Variants in DOCK3 observed in about 807,000 individuals in gnomAD.
DOCK3 encodes dedicator of cytokinesis protein 3.
In DOCK3, 60 loss-of-function variants were observed where a neutral mutation model predicts 265.6. The ratio of observed to expected loss-of-function variants is 0.23; its 90% CI spans 0.18 to 0.28. The LOEUF is 0.28. Ranked by LOEUF, DOCK3 falls within the 10% of genes least tolerant of loss-of-function variation. The pLI is 1.00. For missense variants in DOCK3, 1,981 were observed against 2,594.3 expected (o/e 0.76, Z 5.14); for synonymous variants, 881 against 938.0 (o/e 0.94, Z 1.11).
At chr3:51,202,915 A>T (rs2088898605) in intron 12 of DOCK3, among the ~76,000 whole-genome samples, 1 of 152,198 alleles carries the variant, frequency 6.6e-6, no homozygotes, top group South Asian at 2.1e-4. Flanking sequence ...AAAGACAAAA[A>T]CCACATGATT....
In DOCK3 at chr3:51,214,248, G is replaced by C; in HGVS notation, c.1252+1G>C. 6.2e-7 allele frequency: 1 copy of C among 1,613,482 alleles called. No homozygotes were observed. ...GGATTTCCTGATGTCATTATGCCAG[G>C]TATGCAGAACTGCTTGGGGCTGGGA... On this transcript the variant is annotated splice_donor_variant, in intron 14 of 52. Coordinates refer to ENST00000266037, the MANE Select transcript of DOCK3 (RefSeq NM_004947.5). LOFTEE classifies it high-confidence loss of function.
intron 4 of DOCK3, among the ~76,000 whole-genome samples, chr3:50,922,003 A>G (rs995913010): frequency 1.3e-5 from 2 of 152,166 alleles, no homozygotes; most frequent in African/African-American, 4.8e-5. Flanking sequence ...CTCAGCGGTA[A>G]AGGACCCACT....
chr3:50,708,851 A>C (rs2036579928), intron 1 of DOCK3, among the ~76,000 whole-genome samples: 1 of 152,064 alleles, frequency 6.6e-6, no homozygotes, highest in Non-Finnish European at 1.5e-5. Flanking sequence ...TTCTGTGCTG[A>C]ATTTCAGTGT....
At chr3:51,250,479 C>T (rs2079155312) in intron 22 of DOCK3, among the ~76,000 whole-genome samples, 1 of 152,010 alleles carries the variant, frequency 6.6e-6, no homozygotes, top group Non-Finnish European at 1.5e-5. Context: ...ATTAACCGGG[C>T]ATGGTGGCAT....
intron 5 of DOCK3, among the ~76,000 whole-genome samples, chr3:50,969,322 A>G (rs1020879522): frequency 5.3e-5 from 8 of 152,020 alleles, no homozygotes; most frequent in Admixed American, 5.2e-4. Flanking sequence ...TTCTGTTGGC[A>G]TGGTATATCC....
chr3:50,898,495 C>T (rs553109554), intron 4 of DOCK3: 30 of 152,184 alleles, frequency 2.0e-4, no homozygotes, highest in African/African-American at 5.8e-4. Flanking sequence ...CTGCTCTGAT[C>T]TTAGTTATTT....
intron 32 of DOCK3, among the ~76,000 whole-genome samples, chr3:51,328,763 A>G (rs1442292949): frequency 6.6e-6 from 1 of 152,200 alleles, no homozygotes; most frequent in Non-Finnish European, 1.5e-5. Context: ...TAGAGTGAGA[A>G]AGGCTTCTGT....
chr3:51,045,468 T>C (rs1412139234), intron 5 of DOCK3, among the ~76,000 whole-genome samples: 1 of 152,158 alleles, frequency 6.6e-6, no homozygotes, highest in Non-Finnish European at 1.5e-5. Flanking sequence ...ATTTGAAATA[T>C]TGCAAGAATT....
At chr3:50,679,463 T>C (rs990622068) in intron 1 of DOCK3, among the ~76,000 whole-genome samples, 2 of 152,190 alleles carry the variant, frequency 1.3e-5, no homozygotes, top group Non-Finnish European at 2.9e-5. Flanking sequence ...AACTTCCTTT[T>C]GGTTAGGTTT....
In DOCK3 at chr3:51,090,139, A is replaced by G. The variant is rs887038584; in HGVS notation, c.592-91A>G. The G allele has an allele frequency of 2.9e-5, 39 of 1,330,894 alleles. No homozygotes were observed. In the East Asian group the frequency reaches 8.8e-4, roughly 30 times the overall value. 82.4% of individuals were successfully genotyped at this position (1,330,894 alleles called of 1,614,324 possible). ...TCAAATAATCTCCTTCAGTAGTGTG[A>G]AAAGAGTTTGTAATTTAGTTTCCAC... On this transcript the variant is annotated intron_variant, in intron 8 of 52. Coordinates refer to ENST00000266037, the MANE Select transcript of DOCK3 (RefSeq NM_004947.5).
intron 5 of DOCK3, among the ~76,000 whole-genome samples, chr3:50,950,730 C>T (rs2076567052): frequency 6.6e-6 from 1 of 152,046 alleles, no homozygotes; most frequent in Admixed American, 6.6e-5. Context: ...GCCTCCTGAC[C>T]CACTTTACCC....
intron 1 of DOCK3, among the ~76,000 whole-genome samples, chr3:50,701,266 C>T (rs1014862588): frequency 1.1e-4 from 16 of 151,848 alleles, no homozygotes; most frequent in South Asian, 8.3e-4. Flanking sequence ...AACAGGTCCA[C>T]GCCACCACAC....
At chr3:50,958,232 G>T (rs2076782078) in intron 5 of DOCK3, among the ~76,000 whole-genome samples, 1 of 152,152 alleles carries the variant, frequency 6.6e-6, no homozygotes. Flanking sequence ...CTTGACTGGG[G>T]TTGTCTTCTG....
At chr3:51,297,453 C>G in intron 27 of DOCK3, among the ~76,000 whole-genome samples, 1 of 151,884 alleles carries the variant, frequency 6.6e-6, no homozygotes, top group East Asian at 1.9e-4. Context: ...ACCTTGTGGT[C>G]TAGAATATAT....
At position 51,200,823 on chromosome 3, in the gene DOCK3, C is replaced by T. The variant is rs9831580; in HGVS notation, c.1038-7951C>T. 2.7e-3 allele frequency among the ~76,000 whole-genome samples: 417 copies of T among 152,278 alleles called. 1 individual carries two copies. The highest frequency in any genetic ancestry group is 9.6e-3 in the African/African-American group (399 of 41,552). Reference sequence around the variant, plus strand: ...GAAGCCCATCAGACTAACAGCGGATCTCTTGGCAGAAACTCTACAAGCCAG... The same window carrying T: ...GAAGCCCATCAGACTAACAGCGGATTTCTTGGCAGAAACTCTACAAGCCAG... On this transcript the variant is annotated intron_variant, in intron 12 of 52. Transcript: ENST00000266037.
chr3:51,106,107 C>T (rs967788571), intron 9 of DOCK3, among the ~76,000 whole-genome samples: 6 of 152,218 alleles, frequency 3.9e-5, no homozygotes, highest in African/African-American at 1.4e-4. Flanking sequence ...TCCCGCTAGG[C>T]TTCACTTGCT....
intron 38 of DOCK3, among the ~76,000 whole-genome samples, chr3:51,347,867 C>G (rs187144114): frequency 3.2e-4 from 48 of 152,202 alleles, no homozygotes; most frequent in African/African-American, 1.1e-3. Flanking sequence ...CCCTTGTAAG[C>G]TGGATTCCTA....
intron 1 of DOCK3, among the ~76,000 whole-genome samples, chr3:50,694,130 C>A (rs1334954204): frequency 6.6e-6 from 1 of 151,624 alleles, no homozygotes; most frequent in African/African-American, 2.4e-5. Context: ...ATTAGCCAGG[C>A]GTGGTGGCGG....
rs760264709 is a variant in DOCK3, at chr3:51,357,793, A to C, written c.4719A>C (p.Pro1573=). 6.2e-7 allele frequency: 1 copy of C among 1,613,994 alleles called. No homozygotes were observed. The highest frequency in any genetic ancestry group is 1.7e-5 in the Admixed American group (1 of 60,020). The change falls in exon 45 of 53, where the codon CCA becomes CCC. Residue 1573 remains proline (P), a synonymous_variant. Coordinates refer to ENST00000266037, the MANE Select transcript of DOCK3 (RefSeq NM_004947.5). ...ATAAAGATTACATCAACAAGCACCC[A>C]GGAGATGCTGAGAAGATCACCCAGC... ...FFDKDYINKH[P]GDAEKITQLK...
Sources: allele counts gnomAD v4.1 joint callset (sites outside exome capture counted in the v4.1 genomes callset), GRCh38; gene constraint gnomAD v4.1.1; transcripts MANE v1.5; gene names NCBI Gene and HGNC (gene_info 2026-07-23, HGNC 2026-07-21).